The following ABCG2 variants were observed in gnomAD, a reference collection of about 807,000 sequenced individuals.
ABCG2 encodes the protein broad substrate specificity ATP-binding cassette transporter ABCG2.
In ABCG2, 80 loss-of-function variants were observed where a neutral mutation model predicts 73.5. The observed-to-expected ratio is 1.09, with a 90% confidence interval of 0.91 to 1.31. The LOEUF is 1.31. ABCG2 is among the 50% of genes most tolerant of loss of function. ABCG2 has a pLI of 0.00. For synonymous variants in ABCG2, 269 were observed against 282.4 expected (o/e 0.95, Z 0.48); for missense variants, 796 against 786.2 (o/e 1.01, Z -0.15).
chr4:88,169,046 CTTTT>C (rs55711211), intron 1 of ABCG2, among the ~76,000 whole-genome samples: 5 of 138,854 alleles, frequency 3.6e-5, no homozygotes, highest in African/African-American at 5.5e-5. Context: ...AAGTAGTTAT[CTTTT>C]TTTTTTTTTT....
chr4:88,202,354 T>TATATATATATATATATATATA (rs1553945717), intron 1 of ABCG2, among the ~76,000 whole-genome samples: 4,480 of 61,368 alleles, frequency 0.073, 1,457 homozygotes, highest in Admixed American at 0.092. Flanking sequence ...CTACAATTAT[T>TATATATATATATATATATATA]TATATATATA....
At chr4:88,139,421 T>A (rs1725468319) in intron 2 of ABCG2, among the ~76,000 whole-genome samples, 2 of 152,014 alleles carry the variant, frequency 1.3e-5, no homozygotes, top group South Asian at 4.2e-4. Flanking sequence ...GCCCAGCTAA[T>A]TTTTTGTATT....
At chr4:88,217,622 A>G (rs1729861026) in intron 1 of ABCG2, among the ~76,000 whole-genome samples, 1 of 151,802 alleles carries the variant, frequency 6.6e-6, no homozygotes, top group Non-Finnish European at 1.5e-5. Flanking sequence ...AGATCACGCC[A>G]CAGCACTCCA....
At chr4:88,158,177 C>T (rs1169006522) in intron 1 of ABCG2, among the ~76,000 whole-genome samples, 1 of 152,172 alleles carries the variant, frequency 6.6e-6, no homozygotes, top group Non-Finnish European at 1.5e-5. Context: ...GACCCAGAAT[C>T]AGTTTGCACC....
At chr4:88,140,381 G>T (rs2110056721) in intron 1 of ABCG2, among the ~76,000 whole-genome samples, 1 of 152,350 alleles carries the variant, frequency 6.6e-6, no homozygotes, top group Non-Finnish European at 1.5e-5. Context: ...TGCAGGGACA[G>T]ACTACATGCT....
intron 9 of ABCG2, among the ~76,000 whole-genome samples, chr4:88,109,300 G>A (rs1722972533): frequency 6.6e-6 from 1 of 152,100 alleles, no homozygotes; most frequent in African/African-American, 2.4e-5. Flanking sequence ...GCCCGGCCCA[G>A]ACTTTTCAAA....
intron 15 of ABCG2, 52 bp from the exon 16 acceptor site, chr4:88,092,433 G>A (rs1721699564): frequency 6.3e-7 from 1 of 1,577,598 alleles, no homozygotes. Context: ...TCCGTCAAAT[G>A]TTACTCAGTA....
At position 88,225,801 on chromosome 4, in the gene ABCG2, T is replaced by C. The variant is rs1236573482; in HGVS notation, c.-20+5193A>G. Reference sequence around the variant, plus strand: ...ATCAAGAAAAAGAGGTTTAATGGACTCACAGTTCCACATGGCTGGGGAATC... The same window carrying C: ...ATCAAGAAAAAGAGGTTTAATGGACCCACAGTTCCACATGGCTGGGGAATC... On this transcript the variant is annotated intron_variant, in intron 1 of 15. Coordinates refer to the ABCG2 transcript ENST00000515655. 3.9e-5 allele frequency among the ~76,000 whole-genome samples: 6 copies of C among 152,298 alleles called. No individual in the cohort carries two copies. In the East Asian group the frequency reaches 9.6e-4, roughly 24 times the overall value.
chr4:88,177,182 C>T (rs529359960), intron 1 of ABCG2, among the ~76,000 whole-genome samples: 5 of 151,890 alleles, frequency 3.3e-5, no homozygotes, highest in East Asian at 1.9e-4. Flanking sequence ...ACCATTCTGG[C>T]TAATACGGTG....
At chr4:88,119,306 G>A (rs1723802116) in intron 6 of ABCG2, among the ~76,000 whole-genome samples, 1 of 152,200 alleles carries the variant, frequency 6.6e-6, no homozygotes, top group Non-Finnish European at 1.5e-5. Flanking sequence ...CCAGCCTCAG[G>A]TATGTCTTTA....
intron 1 of ABCG2, among the ~76,000 whole-genome samples, chr4:88,194,505 T>G (rs943591227): frequency 1.7e-5 from 2 of 120,404 alleles, no homozygotes; most frequent in African/African-American, 6.5e-5. Flanking sequence ...AGCCGAGATC[T>G]GGCCACTGCA....
At chr4:88,158,312 C>G in intron 1 of ABCG2, 74 bp downstream of exon 1, 1 of 325,642 alleles carries the variant, frequency 3.1e-6, no homozygotes, top group South Asian at 2.3e-5. Context: ...GATTTTCTAA[C>G]AAATATATAC....
At chr4:88,230,359 A>G (rs1464260927) in intron 1 of ABCG2, among the ~76,000 whole-genome samples, 1 of 126,050 alleles carries the variant, frequency 7.9e-6, no homozygotes, top group Non-Finnish European at 1.6e-5. Flanking sequence ...TTTGAGACGG[A>G]GTCTCGCACT....
chr4:88,211,424 A>G (rs1000356902), intron 1 of ABCG2, among the ~76,000 whole-genome samples: 4 of 120,030 alleles, frequency 3.3e-5, no homozygotes, highest in Non-Finnish European at 6.4e-5. Flanking sequence ...TTTCGTTTTA[A>G]TTTTCTTTTT....
intron 1 of ABCG2, among the ~76,000 whole-genome samples, chr4:88,182,910 C>G (rs1409923023): frequency 6.6e-6 from 1 of 151,370 alleles, no homozygotes; most frequent in Non-Finnish European, 1.5e-5. Context: ...ACAGTGAAAC[C>G]CCGTCTCTAC....
intron 1 of ABCG2, among the ~76,000 whole-genome samples, chr4:88,145,513 A>T (rs1204409043): frequency 6.6e-6 from 1 of 152,168 alleles, no homozygotes; most frequent in Non-Finnish European, 1.5e-5. Flanking sequence ...CAGCACAGTG[A>T]TCTGGAGAAC....
chr4:88,102,666 T>C (rs758422156), intron 10 of ABCG2, among the ~76,000 whole-genome samples: 1 of 151,706 alleles, frequency 6.6e-6, no homozygotes, highest in African/African-American at 2.4e-5. Flanking sequence ...TTGATACAAA[T>C]ATGCATTTTA....
rs1334989016 is a variant in ABCG2, at chr4:88,146,935, A to G, written c.-19-6921T>C. On this transcript the variant is annotated intron_variant, in intron 1 of 15. Transcript: ENST00000237612. The stretch of plus-strand genomic sequence containing the variant: ...GGAAGGAAGGAAGGAAGAAGGAAGG[A>G]AGGGAGGGAGGAAGGGAGGGAGGGA... Among the ~76,000 whole-genome samples the G allele has an allele frequency of 7.4e-5, 10 of 135,526 alleles. No individual in the cohort carries two copies. In the East Asian group the frequency reaches 1.8e-3, roughly 24 times the overall value. The allele number at this position is 135,526 out of a possible 152,430, so 88.9% of individuals were successfully genotyped here.
At chr4:88,146,777 G>A (rs535850128) in intron 1 of ABCG2, among the ~76,000 whole-genome samples, 102 of 152,118 alleles carry the variant, frequency 6.7e-4, no homozygotes, top group African/African-American at 2.1e-3. Flanking sequence ...GCTGAGGTGG[G>A]AGGATCCCTT....
Sources: allele counts gnomAD v4.1 joint callset (sites outside exome capture counted in the v4.1 genomes callset), GRCh38; gene constraint gnomAD v4.1.1; transcripts MANE v1.5; gene names NCBI Gene and HGNC (gene_info 2026-07-23, HGNC 2026-07-21).